Variants in RHOBTB1 observed in about 807,000 individuals in gnomAD.
RHOBTB1 encodes the protein rho-related BTB domain-containing protein 1.
Under a neutral mutation model 71.6 loss-of-function variants are expected in RHOBTB1, and 40 were observed. That is an observed-to-expected ratio of 0.56 (90% CI 0.43 to 0.73). The LOEUF is 0.73. RHOBTB1 is among the 30% of genes least tolerant of loss of function. RHOBTB1 has a pLI of 0.00. For synonymous variants in RHOBTB1, 319 were observed against 334.9 expected (o/e 0.95, Z 0.52); for missense variants, 797 against 894.0 (o/e 0.89, Z 1.38).
intron 4 of RHOBTB1, among the ~76,000 whole-genome samples, chr10:60,898,912 C>A (rs1166694228): frequency 6.6e-6 from 1 of 152,172 alleles, no homozygotes; most frequent in Non-Finnish European, 1.5e-5. Flanking sequence ...AGCAATGCCA[C>A]CAAACCCTAA....
At chr10:60,946,572 T>C (rs1006560038), upstream of RHOBTB1, among the ~76,000 whole-genome samples, 1 of 152,206 alleles carries the variant, frequency 6.6e-6, no homozygotes, top group Non-Finnish European at 1.5e-5. Context: ...TCTTGACAGT[T>C]GCATTTGCAC....
At chr10:60,905,875 C>A (rs2082653382) in intron 4 of RHOBTB1, among the ~76,000 whole-genome samples, 1 of 152,150 alleles carries the variant, frequency 6.6e-6, no homozygotes. Flanking sequence ...CAAGCACAAC[C>A]AATCCCAGGC....
intron 8 of RHOBTB1, among the ~76,000 whole-genome samples, chr10:60,876,568 T>G (rs957728158): frequency 2.0e-5 from 3 of 152,188 alleles, no homozygotes; most frequent in African/African-American, 7.2e-5. Context: ...TCCTCAGGAA[T>G]AATTTATAAA....
intron 2 of RHOBTB1, among the ~76,000 whole-genome samples, chr10:60,914,624 A>G (rs1336379200): frequency 1.3e-5 from 2 of 150,402 alleles, no homozygotes; most frequent in Admixed American, 1.3e-4. Flanking sequence ...GCAGCCCCCA[A>G]GAAGGAATCC....
intron 4 of RHOBTB1, among the ~76,000 whole-genome samples, chr10:60,896,366 G>A (rs1322634467): frequency 2.0e-5 from 3 of 152,198 alleles, no homozygotes; most frequent in Non-Finnish European, 1.5e-5. Flanking sequence ...TCACATATCA[G>A]GCAGTAGGGT....
intron 2 of RHOBTB1, among the ~76,000 whole-genome samples, chr10:60,918,624 C>CT (rs2083393782): frequency 6.6e-6 from 1 of 152,170 alleles, no homozygotes. Flanking sequence ...AGAGAGTTAT[C>CT]ACTTGTCTAA....
chr10:60,964,954 G>T (rs1464897841), intron 2 of RHOBTB1, among the ~76,000 whole-genome samples: 6 of 152,150 alleles, frequency 3.9e-5, no homozygotes, highest in African/African-American at 1.4e-4. Context: ...TCTTAAGGAA[G>T]AATTTAAATT....
chr10:60,909,060 A>G (rs1281301349), intron 4 of RHOBTB1, among the ~76,000 whole-genome samples: 2 of 152,172 alleles, frequency 1.3e-5, no homozygotes, highest in East Asian at 3.8e-4. Flanking sequence ...CACAGGAAAG[A>G]GCAGCTTATT....
At chr10:60,872,756 T>C (rs2080860697) in intron 9 of RHOBTB1, among the ~76,000 whole-genome samples, 1 of 152,214 alleles carries the variant, frequency 6.6e-6, no homozygotes. Context: ...GACTGTCCTA[T>C]ACCTCTCCTT....
upstream of RHOBTB1, among the ~76,000 whole-genome samples, chr10:61,001,758 G>A (rs749642545): frequency 2.4e-4 from 36 of 152,298 alleles, no homozygotes; most frequent in Non-Finnish European, 4.7e-4. Flanking sequence ...GCTCCTACTG[G>A]GACCCCGGTC....
intron 2 of RHOBTB1, among the ~76,000 whole-genome samples, chr10:60,938,226 T>C (rs1565066908): frequency 6.6e-6 from 1 of 152,218 alleles, no homozygotes; most frequent in African/African-American, 2.4e-5. Flanking sequence ...AATTCTCTTA[T>C]CAGCATTTCT....
chr10:60,893,595 C>T (rs1454192740), intron 4 of RHOBTB1, among the ~76,000 whole-genome samples: 1 of 152,028 alleles, frequency 6.6e-6, no homozygotes, highest in Non-Finnish European at 1.5e-5. Context: ...TGACTCTTTA[C>T]TAAGTAAGGC....
rs747270780 is a variant in RHOBTB1 at position 60,869,909 on chromosome 10, C to T, written c.*1573G>A. 5 of 152,622 alleles carry T rather than the reference C, an allele frequency of 3.3e-5. No homozygotes were observed. Among genetic ancestry groups the T allele is most frequent in the Admixed American group, 2.0e-4 (3 of 15,264 alleles). The allele number at this position is 152,622 out of a possible 1,614,324, so 9.5% of individuals were successfully genotyped here. A position where few individuals can be genotyped will look rare whatever the true frequency, so the allele number is the denominator to read the frequency against. On this transcript the variant is annotated 3_prime_UTR_variant, in exon 11 of 11. Transcript: ENST00000337910. ...GTGTTTCCACTGCCAGTAATAAATG[C>T]CCATCTGTAATCTAGATAGATTTTC...
In RHOBTB1 at chr10:60,925,419, A is replaced by G. The variant is rs561443273; in HGVS notation, c.-10-13867T>C. Among the ~76,000 whole-genome samples, 5 of 152,318 alleles carry G rather than the reference A, an allele frequency of 3.3e-5. No individual in the cohort carries two copies. The East Asian group carries it at 9.6e-4, about 29-fold the overall frequency. On this transcript the variant is annotated intron_variant, in intron 2 of 10. Coordinates refer to ENST00000337910, the MANE Select transcript of RHOBTB1 (RefSeq NM_014836.5). ...AAACACAACATTCCAAAACCTATGG[A>G]ACACTGCACAAATGGTACTCAGAGG...
At chr10:60,902,887 C>T (rs4641412) in intron 4 of RHOBTB1, among the ~76,000 whole-genome samples, 43,976 of 152,040 alleles carry the variant, frequency 0.29, 9,369 homozygotes, top group African/African-American at 0.61. Flanking sequence ...CAACTAACAT[C>T]GATCAAGCTC....
chr10:60,949,474 C>G (rs1426622087), intron 2 of RHOBTB1, among the ~76,000 whole-genome samples: 1 of 152,184 alleles, frequency 6.6e-6, no homozygotes, highest in Admixed American at 6.5e-5. Context: ...TCAGGTATTA[C>G]TCAGACCAAC....
At chr10:60,967,599 G>T (rs1004703539) in intron 2 of RHOBTB1, among the ~76,000 whole-genome samples, 3 of 152,066 alleles carry the variant, frequency 2.0e-5, no homozygotes, top group South Asian at 2.1e-4. Flanking sequence ...GTCAAGGAGA[G>T]AATGATGTTT....
Position 60,990,701 on chromosome 10 carries a change from A to G in RHOBTB1, c.-162-4756T>C, listed in dbSNP as rs569491685. On this transcript the variant is annotated intron_variant, in intron 1 of 11. Coordinates refer to the RHOBTB1 transcript ENST00000357917. The stretch of plus-strand genomic sequence containing the variant: ...CTATTCTTCCATCCTCTGTGGGCTC[A>G]TCTTTCACTACTGGGCCATTATGGG... Among the ~76,000 whole-genome samples the G allele has an allele frequency of 2.0e-5, 3 of 152,186 alleles. No individual in the cohort carries two copies. In the East Asian group the frequency reaches 5.8e-4, roughly 29 times the overall value.
intron 2 of RHOBTB1, among the ~76,000 whole-genome samples, chr10:60,978,027 T>A (rs2086372068): frequency 6.6e-6 from 1 of 152,152 alleles, no homozygotes; most frequent in South Asian, 2.1e-4. Flanking sequence ...TATTTTACAG[T>A]GCTGCTGTGA....
Sources: allele counts gnomAD v4.1 joint callset (sites outside exome capture counted in the v4.1 genomes callset), GRCh38; gene constraint gnomAD v4.1.1; transcripts MANE v1.5; gene names NCBI Gene and HGNC (gene_info 2026-07-23, HGNC 2026-07-21).